The following GIGYF2 variants were observed in gnomAD, a reference collection of about 807,000 sequenced individuals.
The protein encoded by GIGYF2 is GRB10 interacting GYF protein 2.
GIGYF2 carries 25 observed loss-of-function variants against 208.1 expected under a neutral mutation model. The observed-to-expected ratio is 0.12, with a 90% CI of 0.09 to 0.17. The LOEUF (loss-of-function observed/expected upper bound fraction) is 0.17, where lower values mean the gene tolerates loss of function less well. GIGYF2 is among the 10% of genes least tolerant of loss of function. The probability of loss-of-function intolerance (pLI) is 1.00; values close to 1 mark genes in which losing one functional copy is unlikely to be tolerated. For missense variants in GIGYF2, 1,302 were observed against 1,579.4 expected, an observed-to-expected ratio of 0.82 and a Z score of 2.98; for synonymous variants, 534 against 543.8, an observed-to-expected ratio of 0.98 and a Z score of 0.25.
chr2:232,722,445 T>C (rs1324659211), intron 2 of GIGYF2: 13 of 152,172 alleles, frequency 8.5e-5, no homozygotes, highest in Non-Finnish European at 1.9e-4. Context: ...TACCTCCCCC[T>C]GGTCTCTCCC....
At chr2:232,850,185 G>T in intron 27 of GIGYF2, 77 bp from the exon 28 acceptor site, 1 of 1,225,888 alleles carries the variant, frequency 8.2e-7, no homozygotes, top group Non-Finnish European at 1.2e-6. Context: ...ATAAGGTGAG[G>T]ACAAACCAAA....
chr2:232,722,337 G>A (rs929691930), intron 2 of GIGYF2, among the ~76,000 whole-genome samples: 2 of 152,180 alleles, frequency 1.3e-5, no homozygotes, highest in Non-Finnish European at 2.9e-5. Context: ...ACACAAGGCA[G>A]CAGGAGAGAG....
rs1336982503 is a variant in GIGYF2 at position 232,769,284 on chromosome 2, A to G, written c.532+7848A>G. 2.0e-5 allele frequency among the ~76,000 whole-genome samples: 3 copies of G among 152,108 alleles called. No individual in the cohort carries two copies. The East Asian group carries it at 5.8e-4, about 29-fold the overall frequency. ...GGTGTCTCACGCCTGTAATCCCGGC[A>G]CTTTGGGAGCCCGAGGCGGGCGGGT... On this transcript the variant is annotated intron_variant, in intron 8 of 28. Transcript: ENST00000373563.
In GIGYF2 at chr2:232,704,856, ATTTTTTTT is replaced by A. The variant is rs10689292; in HGVS notation, c.-44+1381_-44+1388del. Among the ~76,000 whole-genome samples the A allele has an allele frequency of 2.7e-4, 28 of 101,958 alleles. 1 individual carries two copies. The highest frequency in any genetic ancestry group is 7.3e-5 in the Non-Finnish European group (4 of 54,714). 66.9% of individuals were successfully genotyped at this position (101,958 alleles called of 152,430 possible). On this transcript the variant is annotated intron_variant, in intron 2 of 28. Coordinates refer to ENST00000373563, the MANE Select transcript of GIGYF2 (RefSeq NM_001103146.3). ...GTTTTTTATAAATTTTAACTTCTGG[ATTTTTTTT>A]TTTTTTTTTTTTTGAGACAGAGTCT...
chr2:232,787,420 T>G (rs1699950590), intron 9 of GIGYF2, 91 bp downstream of exon 9: 1 of 1,134,964 alleles, frequency 8.8e-7, no homozygotes, highest in Admixed American at 2.0e-5. Context: ...TAAACTGGCT[T>G]AAAAAATGTG....
chr2:232,813,620 T>G (rs909257711), intron 18 of GIGYF2, among the ~76,000 whole-genome samples: 1 of 152,148 alleles, frequency 6.6e-6, no homozygotes, highest in African/African-American at 2.4e-5. Flanking sequence ...ACTATAGGCC[T>G]TGGTGGAGTT....
At chr2:232,818,385 G>A (rs114745977) in intron 20 of GIGYF2, among the ~76,000 whole-genome samples, 2,117 of 152,244 alleles carry the variant, frequency 0.014, 24 homozygotes, top group South Asian at 0.021. Context: ...CTAGAAAGTA[G>A]GTTTTCATTT....
intron 5 of GIGYF2, among the ~76,000 whole-genome samples, chr2:232,755,255 C>T (rs549362583): frequency 3.1e-4 from 47 of 152,328 alleles, no homozygotes; most frequent in Non-Finnish European, 1.0e-4. Flanking sequence ...ACTGCAGCCT[C>T]TGCCTCCTGG....
At chr2:232,850,858 G>A (rs977213811) in intron 28 of GIGYF2, among the ~76,000 whole-genome samples, 1 of 152,176 alleles carries the variant, frequency 6.6e-6, no homozygotes, top group Non-Finnish European at 1.5e-5. Context: ...ATAATTCTCA[G>A]AATTACTTTG....
At chr2:232,837,603 C>T (rs1448937739) in intron 22 of GIGYF2, among the ~76,000 whole-genome samples, 5 of 151,908 alleles carry the variant, frequency 3.3e-5, no homozygotes, top group Admixed American at 2.0e-4. Context: ...TAAAGGTGTG[C>T]GTCACCACAC....
chr2:232,821,915 T>G (rs1429467004), intron 21 of GIGYF2, among the ~76,000 whole-genome samples: 1 of 151,712 alleles, frequency 6.6e-6, no homozygotes, highest in Non-Finnish European at 1.5e-5. Context: ...TTTTGATGCT[T>G]TTGTCAAAGT....
chr2:232,787,400 A>G, intron 9 of GIGYF2, 71 bp downstream of exon 9: 1 of 1,311,364 alleles, frequency 7.6e-7, no homozygotes, highest in Non-Finnish European at 1.1e-6. Flanking sequence ...TAGGGATTAA[A>G]TGAAAAAGAT....
intron 22 of GIGYF2, among the ~76,000 whole-genome samples, chr2:232,836,219 G>A (rs1701585558): frequency 7.4e-6 from 1 of 135,080 alleles, no homozygotes. Context: ...TGGAGCTCAG[G>A]AATTCAGTAC....
In GIGYF2 at chr2:232,796,207, A is replaced by G. The variant is rs766027588; in HGVS notation, c.1625A>G (p.Gln542Arg). 1.9e-6 allele frequency: 3 copies of G among 1,602,752 alleles called. No individual in the cohort carries two copies. Among genetic ancestry groups the G allele is most frequent in the Non-Finnish European group, 2.6e-6 (3 of 1,169,602 alleles). ...AMQKWYYKDP[Q>R]GEIQGPFNNQ... ...CAGAAGTGGTATTACAAAGATCCTC[A>G]GGGAGAAATTCAAGGCAAGTTGTTC... Residue 542 changes from glutamine to arginine, a missense_variant, in exon 14 of 29, where the codon CAG becomes CGG. Coordinates refer to ENST00000373563, the MANE Select transcript of GIGYF2 (RefSeq NM_001103146.3).
chr2:232,858,241 C>A lies in GIGYF2; in HGVS notation c.*1381C>A. On this transcript the variant is annotated 3_prime_UTR_variant, in exon 29 of 29. Transcript: ENST00000373563. ...GTGGTCTGGGCAGCCCCTGGAAAAG[C>A]ACCTTTGCTGCCTGTCATTGTTGCC... 3.0e-6 allele frequency: 1 copy of A among 338,956 alleles called. No homozygotes were observed. Among genetic ancestry groups the A allele is most frequent in the Non-Finnish European group, 5.7e-6 (1 of 176,162 alleles). 21.0% of individuals were successfully genotyped at this position (338,956 alleles called of 1,614,324 possible).
At chr2:232,846,722 A>G (rs1294527603) in intron 26 of GIGYF2, among the ~76,000 whole-genome samples, 2 of 152,254 alleles carry the variant, frequency 1.3e-5, no homozygotes, top group African/African-American at 4.8e-5. Flanking sequence ...CAGTTATTTG[A>G]TTAGCAGTGA....
intron 3 of GIGYF2, among the ~76,000 whole-genome samples, chr2:232,743,077 G>T (rs372314628): frequency 6.6e-6 from 1 of 152,152 alleles, no homozygotes; most frequent in Non-Finnish European, 1.5e-5. Flanking sequence ...CTTACCAAGC[G>T]AAGATTTTGG....
chr2:232,794,676 C>A, intron 12 of GIGYF2, 72 bp from the exon 13 acceptor site: 1 of 1,200,376 alleles, frequency 8.3e-7, no homozygotes, highest in Non-Finnish European at 1.2e-6. Context: ...GGCTGTGCGA[C>A]TTGATAATGT....
At position 232,697,568 on chromosome 2, in the gene GIGYF2, G is replaced by A. The variant is rs1172506268; in HGVS notation, c.-110+176G>A. ...CGCTCCGGCCGGCTTGGGCCGTCAG[G>A]CGACGGGACAGGTCAGGTGCAGGGC... On this transcript the variant is annotated intron_variant, in intron 1 of 28. Coordinates refer to ENST00000373563, the MANE Select transcript of GIGYF2 (RefSeq NM_001103146.3). Among the ~76,000 whole-genome samples, 4 of 152,220 alleles carry A rather than the reference G, an allele frequency of 2.6e-5. No individual in the cohort carries two copies. In the East Asian group the frequency reaches 7.7e-4, roughly 29 times the overall value.
Sources: gnomAD v4.1 joint callset for allele counts (sites outside exome capture counted in the v4.1 genomes callset) on GRCh38, gnomAD v4.1.1 for gene constraint, MANE v1.5 for transcripts, NCBI Gene and HGNC (gene_info 2026-07-23, HGNC 2026-07-21) for gene names.